The following LRRC4C variants were observed in gnomAD, a reference collection of about 807,000 sequenced individuals.
LRRC4C encodes the protein leucine-rich repeat-containing protein 4C.
LRRC4C carries 5 observed loss-of-function variants against 33.6 expected under a neutral mutation model. The observed-to-expected ratio is 0.15, with a 90% CI of 0.08 to 0.31. The LOEUF (loss-of-function observed/expected upper bound fraction) is 0.31. Among genes scored for constraint, LRRC4C ranks in the 10% least tolerant of loss-of-function variants. The pLI is 1.00. For missense variants in LRRC4C, 560 were observed against 796.7 expected, an observed-to-expected ratio of 0.70 and a Z score of 3.58; for synonymous variants, 329 against 302.0, an observed-to-expected ratio of 1.09 and a Z score of -0.93.
chr11:40,948,346 T>C lies in LRRC4C; in HGVS notation c.-495-14623A>G, dbSNP rs575307975. On this transcript the variant is annotated intron_variant, in intron 1 of 6. Transcript: ENST00000528697. ...TGTAAGAGGAAAATTTTCTTTGTTT[T>C]TCTTTATTCATTCATCTCTTTTTCT... 5.3e-5 allele frequency among the ~76,000 whole-genome samples: 8 copies of C among 152,212 alleles called. No homozygotes were observed. In the South Asian group the frequency reaches 1.7e-3, roughly 32 times the overall value.
chr11:40,688,800 G>A (rs1161998349), intron 2 of LRRC4C, among the ~76,000 whole-genome samples: 2 of 152,106 alleles, frequency 1.3e-5, no homozygotes, highest in Non-Finnish European at 2.9e-5. Context: ...CACACATAAT[G>A]AACCACAGTG....
At chr11:40,504,262 A>T (rs1954923374) in intron 3 of LRRC4C, among the ~76,000 whole-genome samples, 1 of 152,190 alleles carries the variant, frequency 6.6e-6, no homozygotes, top group Middle Eastern at 3.2e-3. Flanking sequence ...GAATGAAAGA[A>T]TATAACTTTT....
intron 4 of LRRC4C, among the ~76,000 whole-genome samples, chr11:40,245,624 A>C (rs1376726460): frequency 2.0e-5 from 3 of 152,138 alleles, no homozygotes; most frequent in African/African-American, 7.2e-5. Flanking sequence ...TAATTCATTA[A>C]ACAAAATTAT....
At chr11:40,244,138 A>C (rs1866148716) in intron 4 of LRRC4C, among the ~76,000 whole-genome samples, 1 of 152,118 alleles carries the variant, frequency 6.6e-6, no homozygotes, top group Non-Finnish European at 1.5e-5. Flanking sequence ...ACAAACAAGA[A>C]ATTTGCTTTA....
Position 40,322,715 on chromosome 11 carries a change from C to T in LRRC4C, c.-269-2994G>A, listed in dbSNP as rs77697343. On this transcript the variant is annotated intron_variant, in intron 3 of 6. Transcript: ENST00000528697. ...CTTCATCTTTCTATGGGTCACTATC[C>T]TAATTTGTGAAACAGGATAATGAGA... Among the ~76,000 whole-genome samples, 739 of 152,190 alleles carry T rather than the reference C, an allele frequency of 4.9e-3. 8 individuals are homozygous for T. The highest frequency in any genetic ancestry group is 0.017 in the African/African-American group (698 of 41,526).
At chr11:40,513,464 C>G (rs1426567424) in intron 3 of LRRC4C, among the ~76,000 whole-genome samples, 1 of 152,026 alleles carries the variant, frequency 6.6e-6, no homozygotes, top group South Asian at 2.1e-4. Flanking sequence ...AATGCAAGCC[C>G]TAGCAAACCA....
At chr11:40,980,345 C>T (rs777212825) in intron 1 of LRRC4C, among the ~76,000 whole-genome samples, 6 of 152,112 alleles carry the variant, frequency 3.9e-5, no homozygotes, top group South Asian at 2.1e-4. Flanking sequence ...TTATATTCTC[C>T]GCTTGCTGCA....
intron 1 of LRRC4C, among the ~76,000 whole-genome samples, chr11:41,028,366 T>C (rs902817304): frequency 6.6e-6 from 1 of 151,638 alleles, no homozygotes; most frequent in Non-Finnish European, 1.5e-5. Context: ...TAAGAATCTA[T>C]GTTTCTTTCT....
intron 3 of LRRC4C, among the ~76,000 whole-genome samples, chr11:40,606,407 C>T (rs936739569): frequency 3.9e-5 from 6 of 152,048 alleles, no homozygotes; most frequent in Admixed American, 1.3e-4. Flanking sequence ...GAATATTTAG[C>T]CCAACTGAAT....
At chr11:41,207,698 G>A (rs554144486) in intron 1 of LRRC4C, among the ~76,000 whole-genome samples, 16 of 152,284 alleles carry the variant, frequency 1.1e-4, no homozygotes, top group African/African-American at 3.9e-4. Flanking sequence ...AGCAAGCCAA[G>A]AAGTGAGGCT....
intron 1 of LRRC4C, among the ~76,000 whole-genome samples, chr11:41,308,306 T>C (rs1282319374): frequency 6.6e-6 from 1 of 151,944 alleles, no homozygotes; most frequent in Non-Finnish European, 1.5e-5. Flanking sequence ...GGTGAAAGAT[T>C]TTTTTTTGCA....
intron 1 of LRRC4C, among the ~76,000 whole-genome samples, chr11:41,405,574 T>G (rs1368737614): frequency 6.6e-6 from 1 of 152,100 alleles, no homozygotes; most frequent in Non-Finnish European, 1.5e-5. Flanking sequence ...GAGAAGAAAC[T>G]AAAGGATATA....
chr11:40,318,394 T>C (rs1945679880), intron 4 of LRRC4C, among the ~76,000 whole-genome samples: 1 of 152,076 alleles, frequency 6.6e-6, no homozygotes, highest in Non-Finnish European at 1.5e-5. Context: ...TGACCTTCAA[T>C]CTTAGATGAT....
intron 2 of LRRC4C, among the ~76,000 whole-genome samples, chr11:40,806,070 A>G (rs558783344): frequency 6.6e-6 from 1 of 152,194 alleles, no homozygotes; most frequent in East Asian, 1.9e-4. Context: ...TAATTTCTAA[A>G]TGCATACACT....
intron 1 of LRRC4C, among the ~76,000 whole-genome samples, chr11:41,366,676 G>T (rs1952557587): frequency 6.6e-6 from 1 of 152,054 alleles, no homozygotes; most frequent in Non-Finnish European, 1.5e-5. Flanking sequence ...CTTTAAGGAA[G>T]TAATTAAGTT....
At chr11:40,500,966 A>G (rs1954736915) in intron 3 of LRRC4C, among the ~76,000 whole-genome samples, 1 of 152,212 alleles carries the variant, frequency 6.6e-6, no homozygotes, top group Non-Finnish European at 1.5e-5. Flanking sequence ...TCCTAGATAC[A>G]TTGGGGATAC....
chr11:40,857,793 T>C (rs1395906289), intron 2 of LRRC4C, among the ~76,000 whole-genome samples: 2 of 152,076 alleles, frequency 1.3e-5, no homozygotes, highest in Non-Finnish European at 2.9e-5. Flanking sequence ...CATGCACCTG[T>C]AGTCCCAGTT....
chr11:41,174,054 T>C (rs1945092537), intron 1 of LRRC4C, among the ~76,000 whole-genome samples: 1 of 152,088 alleles, frequency 6.6e-6, no homozygotes, highest in Non-Finnish European at 1.5e-5. Flanking sequence ...CAATATAATT[T>C]ATTCTGCAAC....
chr11:41,185,774 T>A (rs998004469), intron 1 of LRRC4C, among the ~76,000 whole-genome samples: 1 of 152,086 alleles, frequency 6.6e-6, no homozygotes, highest in African/African-American at 2.4e-5. Context: ...TAAATACTTT[T>A]AAAATATTTC....
Sources: allele counts gnomAD v4.1 joint callset (sites outside exome capture counted in the v4.1 genomes callset), GRCh38; gene constraint gnomAD v4.1.1; transcripts MANE v1.5; gene names NCBI Gene and HGNC (gene_info 2026-07-23, HGNC 2026-07-21).